The following THRAP3 variants were observed in gnomAD, a reference collection of about 807,000 sequenced individuals.
THRAP3 encodes the protein thyroid hormone receptor-associated protein 3.
In THRAP3, 16 loss-of-function variants were observed where a neutral mutation model predicts 101.0. The observed-to-expected ratio is 0.16, with a 90% confidence interval of 0.11 to 0.24. The LOEUF (loss-of-function observed/expected upper bound fraction) is 0.24. Among genes scored for constraint, THRAP3 ranks in the 10% least tolerant of loss-of-function variants. The pLI is 1.00. For missense variants in THRAP3, 989 were observed against 1,202.7 expected (o/e 0.82, Z 2.63); for synonymous variants, 407 against 422.6 (o/e 0.96, Z 0.45).
intron 2 of THRAP3, among the ~76,000 whole-genome samples, chr1:36,270,195 C>T (rs1032836266): frequency 6.6e-6 from 1 of 152,166 alleles, no homozygotes; most frequent in Admixed American, 6.6e-5. Context: ...TTGAAACCAG[C>T]TTGGGCAACA....
intron 3 of THRAP3, among the ~76,000 whole-genome samples, chr1:36,285,756 G>GT (rs1645786947): frequency 6.6e-6 from 1 of 152,192 alleles, no homozygotes; most frequent in African/African-American, 2.4e-5. Context: ...TGTGATTTTA[G>GT]TAAGTTCTTT....
the THRAP3 span, among the ~76,000 whole-genome samples, chr1:36,210,774 G>T: frequency 1.2e-5 from 1 of 81,382 alleles, no homozygotes; most frequent in East Asian, 3.2e-4. Context: ...ACAAAAAGAT[G>T]GGAGCCTTTG....
At chr1:36,288,384 G>A (rs1341241148) in intron 4 of THRAP3, 2 of 985,142 alleles carry the variant, frequency 2.0e-6, no homozygotes, top group Non-Finnish European at 2.4e-6. Context: ...TAGCTCCCAA[G>A]TAAGTCTATT....
intron 1 of THRAP3, among the ~76,000 whole-genome samples, chr1:36,233,170 C>T (rs1412885316): frequency 6.0e-5 from 9 of 150,556 alleles, no homozygotes; most frequent in Non-Finnish European, 1.2e-4. Context: ...ACCTGGCCAT[C>T]GAACTGTATT....
At chr1:36,240,385 A>C (rs1645141321) in intron 1 of THRAP3, among the ~76,000 whole-genome samples, 1 of 152,214 alleles carries the variant, frequency 6.6e-6, no homozygotes, top group African/African-American at 2.4e-5. Flanking sequence ...TCTGATGTCT[A>C]AGGGCAGGAG....
chr1:36,299,498 T>G (rs114649852), intron 9 of THRAP3, among the ~76,000 whole-genome samples: 3,494 of 151,814 alleles, frequency 0.023, 82 homozygotes, highest in African/African-American at 0.05. Flanking sequence ...GAGTCTTTTT[T>G]TTTTGTTTTG....
chr1:36,242,570 G>A (rs1301820327), intron 1 of THRAP3, among the ~76,000 whole-genome samples: 5 of 151,002 alleles, frequency 3.3e-5, no homozygotes, highest in South Asian at 4.2e-4. Context: ...CTCCTGTCTC[G>A]GCCTCCTAAG....
chr1:36,267,917 C>G lies in THRAP3; in HGVS notation c.-32+8433C>G, dbSNP rs142384321. Among the ~76,000 whole-genome samples, 19 of 32,434 alleles carry G rather than the reference C, an allele frequency of 5.9e-4. 8 individuals carry two copies. The South Asian group carries it at 0.016, about 28-fold the overall frequency. The allele number at this position is 32,434 out of a possible 152,430, so 21.3% of individuals were successfully genotyped here. ...ACCCTAGGCCGGGCACGGTGACTCA[C>G]GCCTGTAATCCTAGTACTTTGGGAG... On this transcript the variant is annotated intron_variant, in intron 2 of 11. Coordinates refer to ENST00000354618, the MANE Select transcript of THRAP3 (RefSeq NM_005119.4).
intron 1 of THRAP3, among the ~76,000 whole-genome samples, chr1:36,237,497 G>A (rs914941219): frequency 2.7e-5 from 4 of 149,110 alleles, no homozygotes; most frequent in East Asian, 2.0e-4. Context: ...AAGGCTGGGC[G>A]CGATGGCTCA....
Position 36,304,190 on chromosome 1 carries a change from C to T in THRAP3, c.*173C>T. ...ATCCCTGGCGCTGTCTCCCACTGGA[C>T]AGAGGAGGCTGGCCATGGGGCCCAG... is the stretch of plus-strand genomic sequence containing the variant. On this transcript the variant is annotated 3_prime_UTR_variant, in exon 12 of 12. Coordinates refer to ENST00000354618, the MANE Select transcript of THRAP3 (RefSeq NM_005119.4). 1 of 1,030,962 alleles carries T rather than the reference C, an allele frequency of 9.7e-7. No homozygotes were observed. Among genetic ancestry groups the T allele is most frequent in the Non-Finnish European group, 1.3e-6 (1 of 754,006 alleles). The allele number at this position is 1,030,962 out of a possible 1,614,324, so 63.9% of individuals were successfully genotyped here.
At chr1:36,229,412 GTTTTT>G (rs1453155517) in intron 1 of THRAP3, among the ~76,000 whole-genome samples, 9 of 81,004 alleles carry the variant, frequency 1.1e-4, no homozygotes, top group African/African-American at 1.9e-4. Flanking sequence ...TTTTTTTTTT[GTTTTT>G]TTTTTGTTTT....
In THRAP3 at chr1:36,304,446, CTT is replaced by C. The variant is rs78206872; in HGVS notation, c.*445_*446del. Reference sequence around the variant, plus strand: ...CTGTCCTGATTTTAAAAGCCCCCTCCTTTTTTTTTTTTTTTTTCTTTTTTTAG... The same window carrying C: ...CTGTCCTGATTTTAAAAGCCCCCTCCTTTTTTTTTTTTTTTCTTTTTTTAG... On this transcript the variant is annotated 3_prime_UTR_variant, in exon 12 of 12. Coordinates refer to ENST00000354618, the MANE Select transcript of THRAP3 (RefSeq NM_005119.4). The C allele has an allele frequency of 3.5e-3, 642 of 182,390 alleles. No homozygotes were observed. Among genetic ancestry groups the C allele is most frequent in the East Asian group, 6.6e-3 (82 of 12,458 alleles). The allele number at this position is 182,390 out of a possible 1,614,324, so 11.3% of individuals were successfully genotyped here. A position where few individuals can be genotyped will look rare whatever the true frequency, so the allele number is the denominator to read the frequency against.
At chr1:36,252,863 TGCCACTGCAC>T (rs1645319769) in intron 1 of THRAP3, among the ~76,000 whole-genome samples, 1 of 147,264 alleles carries the variant, frequency 6.8e-6, no homozygotes, top group African/African-American at 2.5e-5. Context: ...GCCAAGACCA[TGCCACTGCAC>T]GCCAGCCTGG....
intron 2 of THRAP3, among the ~76,000 whole-genome samples, chr1:36,274,424 A>G (rs1645629639): frequency 6.6e-6 from 1 of 152,182 alleles, no homozygotes; most frequent in African/African-American, 2.4e-5. Flanking sequence ...TGCTGATTCT[A>G]AAATTCATAT....
rs1646074690 is a variant in THRAP3, at chr1:36,304,550, A to C, written c.*533A>C. The C allele has an allele frequency of 4.4e-6, 1 of 225,542 alleles. No homozygotes were observed. Among genetic ancestry groups the C allele is most frequent in the African/African-American group, 2.2e-5 (1 of 44,678 alleles). The allele number at this position is 225,542 out of a possible 1,614,324, so 14.0% of individuals were successfully genotyped here. A position where few individuals can be genotyped will look rare whatever the true frequency, so the allele number is the denominator to read the frequency against. ...AAGAGAAAACAAAAGCATGTGAATA[A>C]ACTTTGAAGTGTTCACCTCAGTTTG... On this transcript the variant is annotated 3_prime_UTR_variant, in exon 12 of 12. Transcript: ENST00000354618.
intron 7 of THRAP3, 78 bp downstream of exon 7, chr1:36,292,787 G>T: frequency 9.4e-7 from 1 of 1,060,048 alleles, no homozygotes; most frequent in Non-Finnish European, 1.4e-6. Context: ...GTTAAATTCT[G>T]CTGCTAATGC....
chr1:36,283,538 T>G lies in THRAP3; in HGVS notation c.137+838T>G, dbSNP rs958285630. Among the ~76,000 whole-genome samples the G allele has an allele frequency of 9.2e-5, 14 of 152,362 alleles. No individual in the cohort carries two copies. In the East Asian group the frequency reaches 2.7e-3, roughly 29 times the overall value. On this transcript the variant is annotated intron_variant, in intron 3 of 11. Coordinates refer to ENST00000354618, the MANE Select transcript of THRAP3 (RefSeq NM_005119.4). ...TTTAAATTGGTGTGCTGAAGAGGAA[T>G]CTTTGTACATTTTCATTCTTTTTCC...
intron 2 of THRAP3, among the ~76,000 whole-genome samples, chr1:36,270,539 A>G (rs1290130035): frequency 4.0e-5 from 6 of 151,260 alleles, no homozygotes; most frequent in Non-Finnish European, 8.8e-5. Flanking sequence ...CATGGACTCT[A>G]AATAATTAAA....
At chr1:36,243,008 T>C (rs147933202) in intron 1 of THRAP3, among the ~76,000 whole-genome samples, 2 of 152,226 alleles carry the variant, frequency 1.3e-5, no homozygotes, top group East Asian at 1.9e-4. Flanking sequence ...GGCAGGAGGA[T>C]TGCTATGATC....
Sources: gnomAD v4.1 joint callset for allele counts (sites outside exome capture counted in the v4.1 genomes callset) on GRCh38, gnomAD v4.1.1 for gene constraint, MANE v1.5 for transcripts, NCBI Gene and HGNC (gene_info 2026-07-23, HGNC 2026-07-21) for gene names.